The following STOM variants were observed in gnomAD, a reference collection of about 807,000 sequenced individuals.
STOM encodes the protein stomatin.
A neutral mutation model predicts 30.6 loss-of-function variants in STOM; 25 were observed. The observed-to-expected ratio is 0.82, with a 90% CI of 0.60 to 1.14. STOM has a LOEUF of 1.14. Among genes scored for constraint, STOM ranks in the 50% most tolerant of loss-of-function variants. The pLI is 0.00. For synonymous variants in STOM, 118 were observed against 130.8 expected (o/e 0.90, Z 0.67); for missense variants, 292 against 365.2 (o/e 0.80, Z 1.63).
At chr9:121,347,949 G>GT (rs1427879994) in intron 6 of STOM, 66 bp downstream of exon 6, 39 of 1,513,588 alleles carry the variant, frequency 2.6e-5, no homozygotes, top group Admixed American at 6.6e-5. Context: ...CATGTTTTAC[G>GT]TTTTTTTATA....
Position 121,370,216 on chromosome 9 carries a change from G to A in STOM, c.-29C>T, listed in dbSNP as rs1390793984. On this transcript the variant is annotated 5_prime_UTR_variant, in exon 1 of 7. In the 5' UTR this introduces an upstream ATG that the reference lacks. Coordinates refer to ENST00000286713, the MANE Select transcript of STOM (RefSeq NM_004099.6). ...GCCCGAGACGCAGTCGCACTCCCCC[G>A]TCCTCGTTGCCAAACCCGGAGCCGC... 2 of 1,542,716 alleles carry A rather than the reference G, an allele frequency of 1.3e-6. No individual in the cohort carries two copies. Among genetic ancestry groups the A allele is most frequent in the African/African-American group, 1.4e-5 (1 of 72,974 alleles).
At chr9:121,362,617 C>CT (rs35593105) in intron 1 of STOM, among the ~76,000 whole-genome samples, 1 of 152,142 alleles carries the variant, frequency 6.6e-6, no homozygotes, top group African/African-American at 2.4e-5. Context: ...CTGAAGGTAT[C>CT]TTTTGTTACT....
intron 1 of STOM, among the ~76,000 whole-genome samples, chr9:121,363,449 CT>C (rs1347761571): frequency 6.6e-6 from 1 of 152,176 alleles, no homozygotes; most frequent in Non-Finnish European, 1.5e-5. Flanking sequence ...GATTGGCAAA[CT>C]TTTCCTGTAA....
chr9:121,341,358 G>C lies in STOM; in HGVS notation c.711C>G (p.Ala237=), dbSNP rs754985922. 1.2e-6 allele frequency: 2 copies of C among 1,614,006 alleles called. No homozygotes were observed. The highest frequency in any genetic ancestry group is 1.7e-6 in the Non-Finnish European group (2 of 1,180,036). ...EMNASRALKE[A]SMVITESPAA... The stretch of plus-strand genomic sequence containing the variant: ...CAGGAGATTCAGTGATGACCATGGA[G>C]GCTTCTTTCAGAGCCCTGGATGCAT... The change falls in exon 7 of 7, where the codon GCC becomes GCG. Residue 237 remains alanine (A), a synonymous_variant. Transcript: ENST00000286713.
Position 121,341,428 on chromosome 9 carries a change from G to C in STOM, c.661-20C>G. ...AATAACCTATGGACAGGTGAAAGGA[G>C]GGGTTGAACTGGAGAAAACCTCATG... On this transcript the variant is annotated intron_variant, in intron 6 of 6. Coordinates refer to ENST00000286713, the MANE Select transcript of STOM (RefSeq NM_004099.6). 1 of 1,612,080 alleles carries C rather than the reference G, an allele frequency of 6.2e-7. No homozygotes were observed. Among genetic ancestry groups the C allele is most frequent in the Non-Finnish European group, 8.5e-7 (1 of 1,179,824 alleles).
intron 4 of STOM, among the ~76,000 whole-genome samples, chr9:121,349,806 T>C (rs1033707225): frequency 2.0e-5 from 3 of 152,212 alleles, no homozygotes; most frequent in Non-Finnish European, 4.4e-5. Flanking sequence ...ATGGGGAATG[T>C]TTTTAAAGGG....
chr9:121,342,830 T>G (rs2064258678), intron 6 of STOM, among the ~76,000 whole-genome samples: 1 of 152,230 alleles, frequency 6.6e-6, no homozygotes, highest in African/African-American at 2.4e-5. Flanking sequence ...CTAAATTCTG[T>G]AAGGGGTTTC....
At chr9:121,352,683 C>T (rs1413678149) in intron 4 of STOM, among the ~76,000 whole-genome samples, 1 of 152,214 alleles carries the variant, frequency 6.6e-6, no homozygotes, top group Non-Finnish European at 1.5e-5. Flanking sequence ...CCACCTTATA[C>T]AGTAGTTCTT....
At position 121,341,320 on chromosome 9, in the gene STOM, A is replaced by C; in HGVS notation, c.749T>G (p.Leu250Arg). The C allele has an allele frequency of 1.2e-6, 2 of 1,614,126 alleles. No homozygotes were observed. The highest frequency in any genetic ancestry group is 8.5e-7 in the Non-Finnish European group (1 of 1,180,032). ...GGTGGTCAGTGTCTGCAGGTATCGG[A>C]GCTGAAGGGCTGCAGGAGATTCAGT... ...VITESPAALQ[L>R]RYLQTLTTIA... Residue 250 changes from leucine to arginine, a missense_variant, in exon 7 of 7, where the codon CTC becomes CGC. Coordinates refer to ENST00000286713, the MANE Select transcript of STOM (RefSeq NM_004099.6).
chr9:121,356,139 G>A lies in STOM; in HGVS notation c.79C>T (p.Leu27Phe). Residue 27 changes from leucine (L) to phenylalanine (F), a missense_variant, in exon 2 of 7, where the codon CTT becomes TTT. Transcript: ENST00000286713. ...ACCAAAATCCATCCGCAAGGTCCAA[G>A]GCCCTTACTGGGGCTGTCTGTTGAA... The part of the protein sequence containing the change: ...DSFKDSPSKG[L>F]GPCGWILVAF... 6.2e-7 allele frequency: 1 copy of A among 1,614,004 alleles called. No homozygotes were observed. The highest frequency in any genetic ancestry group is 1.1e-5 in the South Asian group (1 of 91,030).
At position 121,354,578 on chromosome 9, in the gene STOM, C is replaced by T. The variant is rs1350495441; in HGVS notation, c.238+23G>A. 2.6e-6 allele frequency: 4 copies of T among 1,552,336 alleles called. 1 individual carries two copies. The South Asian group carries it at 3.6e-5, about 14-fold the overall frequency. ...AAAAGAACTTTAGTTTTCAGATAAA[C>T]AATCTAGAATCCCAGTACTGACCAG... On this transcript the variant is annotated intron_variant, in intron 3 of 6. Coordinates refer to ENST00000286713, the MANE Select transcript of STOM (RefSeq NM_004099.6).
At chr9:121,361,969 T>C (rs1307731246) in intron 1 of STOM, among the ~76,000 whole-genome samples, 3 of 152,202 alleles carry the variant, frequency 2.0e-5, no homozygotes, top group African/African-American at 7.2e-5. Flanking sequence ...TGTGCTCTTA[T>C]GAGAATCTAA....
At chr9:121,363,285 A>G (rs1010716282) in intron 1 of STOM, among the ~76,000 whole-genome samples, 4 of 152,192 alleles carry the variant, frequency 2.6e-5, no homozygotes, top group African/African-American at 9.7e-5. Context: ...TCAAAAACAC[A>G]TGCTATTCAG....
At chr9:121,364,793 T>C (rs2064487367) in intron 1 of STOM, among the ~76,000 whole-genome samples, 1 of 152,230 alleles carries the variant, frequency 6.6e-6, no homozygotes, top group Non-Finnish European at 1.5e-5. Flanking sequence ...TCTAAAATAA[T>C]GCTGCAATAG....
Position 121,357,437 on chromosome 9 carries a change from ATATT to A in STOM, c.62-1285_62-1282del, listed in dbSNP as rs1290562604. 3.1e-3 allele frequency among the ~76,000 whole-genome samples: 283 copies of A among 90,398 alleles called. 2 individuals carry two copies. Among genetic ancestry groups the A allele is most frequent in the East Asian group, 6.7e-3 (18 of 2,702 alleles). The allele number at this position is 90,398 out of a possible 152,430, so 59.3% of individuals were successfully genotyped here. ...ATATTTTTAAATGATATATATATAT[ATATT>A]TATTTATTTATTTTTTGAGACAGAG... On this transcript the variant is annotated intron_variant, in intron 1 of 6. Coordinates refer to ENST00000286713, the MANE Select transcript of STOM (RefSeq NM_004099.6).
chr9:121,353,448 G>A, intron 3 of STOM, 146 bp from the exon 4 acceptor site: 1 of 468,014 alleles, frequency 2.1e-6, no homozygotes. Flanking sequence ...TGATAACTTT[G>A]ATTCCTCTTG....
chr9:121,345,956 A>ATT (rs1038193469), intron 6 of STOM, among the ~76,000 whole-genome samples: 2 of 150,734 alleles, frequency 1.3e-5, no homozygotes, highest in Admixed American at 1.3e-4. Context: ...AACAAGTTTC[A>ATT]TTTTTTTTTA....
Position 121,339,726 on chromosome 9 carries a change from T to G in STOM, c.*1476A>C. On this transcript the variant is annotated 3_prime_UTR_variant, in exon 7 of 7. Transcript: ENST00000286713. Reference sequence around the variant, plus strand: ...TCACAGACATTTGCAAAACAGAAGATGTCTCCTAATATTATAGACTAAGAA... The same window carrying G: ...TCACAGACATTTGCAAAACAGAAGAGGTCTCCTAATATTATAGACTAAGAA... 8.1e-7 allele frequency: 1 copy of G among 1,230,326 alleles called. No homozygotes were observed. The highest frequency in any genetic ancestry group is 1.0e-6 in the Non-Finnish European group (1 of 987,204). The allele number at this position is 1,230,326 out of a possible 1,614,324, so 76.2% of individuals were successfully genotyped here.
rs553469162 is a variant in STOM, at chr9:121,347,347, G to C, written c.660+668C>G. 1.1e-4 allele frequency among the ~76,000 whole-genome samples: 17 copies of C among 152,280 alleles called. No homozygotes were observed. The East Asian group carries it at 2.9e-3, about 26-fold the overall frequency. On this transcript the variant is annotated intron_variant, in intron 6 of 6. Transcript: ENST00000286713. The stretch of plus-strand genomic sequence containing the variant: ...TTTAAAGATACTCTTTTCTAGGTTA[G>C]GTTAACAAATATTTCCTCAGTGCCT...
Sources: gnomAD v4.1 joint callset for allele counts (sites outside exome capture counted in the v4.1 genomes callset) on GRCh38, gnomAD v4.1.1 for gene constraint, MANE v1.5 for transcripts, NCBI Gene and HGNC (gene_info 2026-07-23, HGNC 2026-07-21) for gene names.